STK11: variants seen among roughly 807,000 people sequenced by gnomAD.
The protein encoded by STK11 is serine/threonine kinase 11, also known as serine/threonine-protein kinase STK11.
In STK11, 8 loss-of-function variants were observed where a neutral mutation model predicts 47.3. The observed-to-expected ratio is 0.17, with a 90% confidence interval of 0.10 to 0.31. STK11 has a LOEUF of 0.31. STK11 is among the 10% of genes least tolerant of loss of function. The probability of loss-of-function intolerance (pLI) is 1.00; values close to 1 mark genes in which losing one functional copy is unlikely to be tolerated. For synonymous variants in STK11, 330 were observed against 255.8 expected (o/e 1.29, Z -2.77); for missense variants, 475 against 605.0 (o/e 0.79, Z 2.25).
chr19:1,217,560 G>A (rs1301118842), intron 1 of STK11, among the ~76,000 whole-genome samples: 12 of 152,326 alleles, frequency 7.9e-5, no homozygotes, highest in East Asian at 3.9e-4. Context: ...AGGCAGGTGG[G>A]CGTGGCCAAC....
At chr19:1,212,273 CTTTTTTTT>C (rs775284754) in intron 1 of STK11, among the ~76,000 whole-genome samples, 1 of 89,838 alleles carries the variant, frequency 1.1e-5, no homozygotes, top group Non-Finnish European at 2.0e-5. Flanking sequence ...TTCTTAACAC[CTTTTTTTT>C]TTTTTTTTTT....
chr19:1,217,940 C>T (rs532937726), intron 1 of STK11, among the ~76,000 whole-genome samples: 8 of 152,086 alleles, frequency 5.3e-5, no homozygotes, highest in Non-Finnish European at 8.8e-5. Context: ...GTCAGGAGAT[C>T]GAGACCATCC....
intron 5 of STK11, 104 bp downstream of exon 5, chr19:1,220,821 C>G: frequency 6.8e-7 from 1 of 1,480,180 alleles, no homozygotes; most frequent in Non-Finnish European, 9.1e-7. Flanking sequence ...GCCACCGGCC[C>G]AGACCCTCTC....
At chr19:1,227,323 G>C (rs1320543089) in intron 9 of STK11, 1 of 194,434 alleles carries the variant, frequency 5.1e-6, no homozygotes, top group Non-Finnish European at 1.0e-5. Context: ...CCAGGTTTTG[G>C]GGGCCACCGC....
At position 1,228,405 on chromosome 19, in the gene STK11, CAATA is replaced by C; in HGVS notation, c.*836_*839del. The C allele has an allele frequency of 4.4e-6, 1 of 227,038 alleles. No individual in the cohort carries two copies. Among genetic ancestry groups the C allele is most frequent in the Non-Finnish European group, 8.8e-6 (1 of 114,028 alleles). The allele number at this position is 227,038 out of a possible 1,614,324, so 14.1% of individuals were successfully genotyped here. A position where few individuals can be genotyped will look rare whatever the true frequency, so the allele number is the denominator to read the frequency against. The stretch of plus-strand genomic sequence containing the variant: ...TGCGGGCGAGGCCGCCCAAATTTGG[CAATA>C]AATAAAGCTTGGGAAGCTTGGACCT... On this transcript the variant is annotated 3_prime_UTR_variant, in exon 10 of 10. Coordinates refer to ENST00000326873, the MANE Select transcript of STK11 (RefSeq NM_000455.5).
Position 1,218,456 on chromosome 19 carries a change from C to T in STK11, c.330C>T (p.Val110=), listed in dbSNP as rs368548358. Residue 110 remains valine (V), a synonymous_variant, in exon 2 of 10, where the codon GTC becomes GTT. Coordinates refer to ENST00000326873, the MANE Select transcript of STK11 (RefSeq NM_000455.5). The stretch of plus-strand genomic sequence containing the variant: ...TGAGGAGGTTACGGCACAAAAATGT[C>T]ATCCAGCTGGTGGATGTGTTATACA... ...QLLRRLRHKN[V]IQLVDVLYNE... 6.2e-7 allele frequency: 1 copy of T among 1,613,692 alleles called. No individual in the cohort carries two copies. Among genetic ancestry groups the T allele is most frequent in the Non-Finnish European group, 8.5e-7 (1 of 1,179,828 alleles).
chr19:1,207,990 G>A lies in STK11; in HGVS notation c.290+787G>A, dbSNP rs571455034. On this transcript the variant is annotated intron_variant, in intron 1 of 9. Coordinates refer to ENST00000326873, the MANE Select transcript of STK11 (RefSeq NM_000455.5). ...TCCCAGCTGGTGGGGGTGGCCGGGG[G>A]TGTCCCTGCCTTATCGCAGCCAGAC... Among the ~76,000 whole-genome samples, 501 of 152,362 alleles carry A rather than the reference G, an allele frequency of 3.3e-3. 1 individual carries two copies. The highest frequency in any genetic ancestry group is 6.0e-3 in the Non-Finnish European group (408 of 68,032).
At chr19:1,215,501 C>T (rs551129860) in intron 1 of STK11, among the ~76,000 whole-genome samples, 11 of 152,356 alleles carry the variant, frequency 7.2e-5, no homozygotes, top group African/African-American at 2.4e-4. Context: ...CTTGCTTTCC[C>T]TTCATCCTGC....
intron 1 of STK11, among the ~76,000 whole-genome samples, chr19:1,212,068 G>A (rs1056485409): frequency 2.6e-5 from 4 of 152,092 alleles, no homozygotes; most frequent in African/African-American, 9.7e-5. Context: ...GAACAGCGGG[G>A]GTAATGGGTC....
At position 1,208,983 on chromosome 19, in the gene STK11, G is replaced by A. The variant is rs192313058; in HGVS notation, c.290+1780G>A. On this transcript the variant is annotated intron_variant, in intron 1 of 9. Coordinates refer to ENST00000326873, the MANE Select transcript of STK11 (RefSeq NM_000455.5). ...GGAAACCAGGGGCACAGGCTCTGAA[G>A]TTTGTACTCTGGAGCTGGAGCAGTC... Among the ~76,000 whole-genome samples the A allele has an allele frequency of 1.2e-3, 177 of 152,238 alleles. 1 individual carries two copies. The highest frequency in any genetic ancestry group is 4.1e-3 in the African/African-American group (171 of 41,534).
chr19:1,221,059 A>C (rs1317792204), intron 5 of STK11, among the ~76,000 whole-genome samples, 154 bp from the exon 6 acceptor site: 2 of 152,032 alleles, frequency 1.3e-5, no homozygotes, highest in African/African-American at 4.8e-5. Context: ...AGCCTCCACT[A>C]GTGGAAGGTG....
At chr19:1,207,878 C>A (rs138935980) in intron 1 of STK11, among the ~76,000 whole-genome samples, 4 of 152,322 alleles carry the variant, frequency 2.6e-5, no homozygotes, top group Non-Finnish European at 4.4e-5. Flanking sequence ...TCTTCAGGCA[C>A]GGGGCTGCCG....
chr19:1,221,814 C>T, intron 6 of STK11, 135 bp from the exon 7 acceptor site: 1 of 991,688 alleles, frequency 1.0e-6, no homozygotes, highest in Non-Finnish European at 1.5e-6. Context: ...AGGGAGACCG[C>T]CTGTGCGCGG....
At chr19:1,215,521 C>G (rs980386599) in intron 1 of STK11, among the ~76,000 whole-genome samples, 1 of 152,218 alleles carries the variant, frequency 6.6e-6, no homozygotes, top group African/African-American at 2.4e-5. Context: ...CTCTCCTAGC[C>G]CCTCCCCAGA....
intron 5 of STK11, 130 bp downstream of exon 5, chr19:1,220,847 G>C: frequency 7.3e-7 from 1 of 1,376,564 alleles, no homozygotes; most frequent in South Asian, 1.5e-5. Flanking sequence ...ACAGCCGCTA[G>C]GGGGTGCTTA....
At chr19:1,209,858 G>A (rs939426401) in intron 1 of STK11, among the ~76,000 whole-genome samples, 1 of 152,102 alleles carries the variant, frequency 6.6e-6, no homozygotes, top group Non-Finnish European at 1.5e-5. Context: ...AGAACGGGAG[G>A]GAACACGGAG....
At position 1,221,315 on chromosome 19, in the gene STK11, C is replaced by G. The variant is rs373021819; in HGVS notation, c.837C>G (p.Gly279=). ...GCTACGCCATCCCGGGCGACTGTGGCCCCCCGCTCTCTGACCTGCTGAAAG... is the reference window on the plus strand; with the variant it reads ...GCTACGCCATCCCGGGCGACTGTGGGCCCCCGCTCTCTGACCTGCTGAAAG... The part of the protein sequence containing the change: ...KGSYAIPGDC[G]PPLSDLLKGM... The change falls in exon 6 of 10, where the codon GGC becomes GGG. Residue 279 remains glycine, a synonymous_variant. Coordinates refer to ENST00000326873, the MANE Select transcript of STK11 (RefSeq NM_000455.5). The G allele has an allele frequency of 1.9e-6, 3 of 1,609,736 alleles. No individual in the cohort carries two copies. Among genetic ancestry groups the G allele is most frequent in the Non-Finnish European group, 1.7e-6 (2 of 1,178,396 alleles).
At position 1,218,511 on chromosome 19, in the gene STK11, C is replaced by T. The variant is rs368923696; in HGVS notation, c.374+11C>T. ...AGAGAAGCAGAAAATATATCCTTTC[C>T]GGTGTTGGGACCGCGGGGCCTCCGT... On this transcript the variant is annotated intron_variant, in intron 2 of 9. Coordinates refer to ENST00000326873, the MANE Select transcript of STK11 (RefSeq NM_000455.5). The T allele has an allele frequency of 3.8e-5, 61 of 1,612,358 alleles. No individual in the cohort carries two copies. The highest frequency in any genetic ancestry group is 2.7e-4 in the East Asian group (12 of 44,900).
At chr19:1,217,700 C>T (rs1046564106) in intron 1 of STK11, among the ~76,000 whole-genome samples, 3 of 152,162 alleles carry the variant, frequency 2.0e-5, no homozygotes, top group African/African-American at 7.2e-5. Flanking sequence ...CACCTGCGGC[C>T]CACCCTCCAA....
Sources: allele counts gnomAD v4.1 joint callset (sites outside exome capture counted in the v4.1 genomes callset), GRCh38; gene constraint gnomAD v4.1.1; transcripts MANE v1.5; gene names NCBI Gene and HGNC (gene_info 2026-07-23, HGNC 2026-07-21).